MT4: variants seen among roughly 807,000 people sequenced by gnomAD.
The protein encoded by MT4 is metallothionein 4.
Under a neutral mutation model 9.5 loss-of-function variants are expected in MT4, and 11 were observed. The ratio of observed to expected loss-of-function variants is 1.16; its 90% CI spans 0.73 to 1.92. MT4 has a LOEUF of 1.92. Among genes scored for constraint, MT4 ranks in the 30% most tolerant of loss-of-function variants. MT4 has a pLI of 0.00. For missense variants in MT4, 88 were observed against 78.7 expected (o/e 1.12, Z -0.45); for synonymous variants, 29 against 24.6 (o/e 1.18, Z -0.53).
intron 1 of MT4, 135 bp downstream of exon 1, chr16:56,565,294 G>A (rs946900358): frequency 1.1e-6 from 1 of 874,272 alleles, no homozygotes; most frequent in Non-Finnish European, 1.7e-6. Context: ...GAGCCGACAG[G>A]TGGACTGGCC....
intron 2 of MT4, among the ~76,000 whole-genome samples, chr16:56,568,295 A>C (rs1024278503): frequency 6.9e-6 from 1 of 143,892 alleles, no homozygotes; most frequent in Non-Finnish European, 1.5e-5. Context: ...GAAAGAAAGA[A>C]AGAAAGAAAG....
intron 1 of MT4, 129 bp from the exon 2 acceptor site, chr16:56,567,622 C>A: frequency 1.3e-6 from 1 of 789,650 alleles, no homozygotes; most frequent in Non-Finnish European, 2.2e-6. Flanking sequence ...AGCCTTGTCA[C>A]CCTCTTGTCC....
In MT4 at chr16:56,567,797, C is replaced by G; in HGVS notation, c.78C>G (p.Asn26Lys). ...CGDNCKCTTCNCKTYWKSCCP... is the reference protein window; with the variant it reads ...CGDNCKCTTCKCKTYWKSCCP... ...ACAACTGCAAATGCACAACCTGCAACTGTAAAACATATTGGAAGAGTGAGT... is the reference window on the plus strand; with the variant it reads ...ACAACTGCAAATGCACAACCTGCAAGTGTAAAACATATTGGAAGAGTGAGT... Residue 26 changes from asparagine to lysine, a missense_variant, in exon 2 of 3, where the codon AAC becomes AAG. Transcript: ENST00000219162. The G allele has an allele frequency of 6.2e-7, 1 of 1,613,346 alleles. No homozygotes were observed. The highest frequency in any genetic ancestry group is 8.5e-7 in the Non-Finnish European group (1 of 1,179,424).
chr16:56,567,194 T>A (rs1159435194), intron 1 of MT4, among the ~76,000 whole-genome samples: 2 of 151,974 alleles, frequency 1.3e-5, no homozygotes, highest in Non-Finnish European at 2.9e-5. Context: ...TGGCTAATTT[T>A]TTTTTTTCTC....
At chr16:56,566,944 T>C (rs140080330) in intron 1 of MT4, among the ~76,000 whole-genome samples, 78 of 152,266 alleles carry the variant, frequency 5.1e-4, no homozygotes, top group African/African-American at 1.7e-3. Context: ...TTGAGTTCAC[T>C]GACGTTCCTT....
chr16:56,568,810 A>T, intron 2 of MT4, 31 bp from the exon 3 acceptor site: 1 of 1,502,212 alleles, frequency 6.7e-7, no homozygotes, highest in East Asian at 2.4e-5. Flanking sequence ...GTTGACCCAC[A>T]GCGGATCTGC....
At position 56,565,170 on chromosome 16, in the gene MT4, A is replaced by C; in HGVS notation, c.31+11A>C. The C allele has an allele frequency of 5.0e-6, 8 of 1,610,870 alleles. No individual in the cohort carries two copies. The highest frequency in any genetic ancestry group is 6.8e-6 in the Non-Finnish European group (8 of 1,178,554). ...GTGTCTGCATGTCTGGTGAGTAAAGAAGCCCTCCCTGGGGTCTGGGAACCT... is the reference window on the plus strand; with the variant it reads ...GTGTCTGCATGTCTGGTGAGTAAAGCAGCCCTCCCTGGGGTCTGGGAACCT... On this transcript the variant is annotated intron_variant, in intron 1 of 2. Transcript: ENST00000219162.
intron 1 of MT4, among the ~76,000 whole-genome samples, chr16:56,565,463 C>G (rs759649748): frequency 2.0e-5 from 3 of 152,230 alleles, no homozygotes; most frequent in Non-Finnish European, 4.4e-5. Context: ...GAGCTCTAAA[C>G]CAGAATCTGG....
chr16:56,568,271 GAGAAAGAAAGAAAGAAAGAAAGAAAGAA>G (rs58324349), intron 2 of MT4, among the ~76,000 whole-genome samples: 4 of 58,650 alleles, frequency 6.8e-5, no homozygotes, highest in African/African-American at 2.3e-4. Context: ...GAGAGAGAGA[GAGAAAGAAAGAAAGAAAGAAAGAAAGAA>G]AGAAAGAAAG....
intron 2 of MT4, 46 bp from the exon 3 acceptor site, chr16:56,568,795 G>T (rs781619947): frequency 2.2e-6 from 3 of 1,349,722 alleles, no homozygotes; most frequent in Admixed American, 4.1e-5. Context: ...TGGTGAGATG[G>T]AAGTGTTGAC....
chr16:56,566,622 G>T (rs925381972), intron 1 of MT4, among the ~76,000 whole-genome samples: 19 of 145,400 alleles, frequency 1.3e-4, no homozygotes, highest in Non-Finnish European at 1.1e-4. Flanking sequence ...GAGAAAGGGA[G>T]AAAGGGGGAG....
At chr16:56,568,713 T>C (rs1195540090) in intron 2 of MT4, 128 bp from the exon 3 acceptor site, 6 of 595,368 alleles carry the variant, frequency 1.0e-5, no homozygotes, top group Middle Eastern at 3.9e-4. Flanking sequence ...CTCAGCATTT[T>C]TGCTAATGTG....
intron 1 of MT4, among the ~76,000 whole-genome samples, chr16:56,566,811 AAAGAAAGAAAAGAAAG>A (rs1959537841): frequency 4.3e-5 from 2 of 46,580 alleles, no homozygotes; most frequent in African/African-American, 1.3e-4. Flanking sequence ...AGAAAGAAAG[AAAGAAAGAAAAGAAAG>A]AAAGAAAGAA....
chr16:56,568,262 A>G (rs1959573664), intron 2 of MT4, among the ~76,000 whole-genome samples: 1 of 88,552 alleles, frequency 1.1e-5, no homozygotes, highest in African/African-American at 4.9e-5. Context: ...AAAGAAAGAG[A>G]GAGAGAGAGA....
intron 2 of MT4, among the ~76,000 whole-genome samples, chr16:56,568,227 GAA>G (rs576076493): frequency 0.08 from 4,309 of 53,710 alleles, 282 homozygotes; most frequent in African/African-American, 0.1. Flanking sequence ...AAGAAAGAAA[GAA>G]AGAAAGAAAG....
At chr16:56,565,695 G>A (rs1227309447) in intron 1 of MT4, among the ~76,000 whole-genome samples, 4 of 152,104 alleles carry the variant, frequency 2.6e-5, no homozygotes, top group South Asian at 4.2e-4. Context: ...TTAATTCCAC[G>A]GAGCATGTTA....
chr16:56,567,265 T>C (rs573154257), intron 1 of MT4, among the ~76,000 whole-genome samples: 64 of 152,122 alleles, frequency 4.2e-4, no homozygotes, highest in African/African-American at 1.4e-3. Context: ...CTCATGTGAT[T>C]CACCTGTCTT....
chr16:56,565,962 G>A (rs1382918735), intron 1 of MT4, among the ~76,000 whole-genome samples: 1 of 151,916 alleles, frequency 6.6e-6, no homozygotes, highest in Non-Finnish European at 1.5e-5. Flanking sequence ...TACTCAGGAC[G>A]CTGAGAAGGG....
chr16:56,566,798 GAAAGAAAGAAAGAAAGAAAGA>G (rs1458593899), intron 1 of MT4, among the ~76,000 whole-genome samples: 3,211 of 44,536 alleles, frequency 0.072, 188 homozygotes, highest in Middle Eastern at 0.12. Context: ...AAGAAAGAAA[GAAAGAAAGAAAGAAAGAAAGA>G]AAAGAAAGAA....
Sources: gnomAD v4.1 joint callset for allele counts (sites outside exome capture counted in the v4.1 genomes callset) on GRCh38, gnomAD v4.1.1 for gene constraint, MANE v1.5 for transcripts, NCBI Gene and HGNC (gene_info 2026-07-23, HGNC 2026-07-21) for gene names.